HSBP1L1: variants seen among roughly 807,000 people sequenced by gnomAD.
The protein encoded by HSBP1L1 is heat shock factor binding protein 1 like 1.
HSBP1L1 carries 8 observed loss-of-function variants against 9.7 expected under a neutral mutation model. That is an observed-to-expected ratio of 0.82 (90% confidence interval 0.48 to 1.48). The LOEUF is 1.48. HSBP1L1 is among the 40% of genes most tolerant of loss of function. The pLI is 0.00. For missense variants in HSBP1L1, 106 were observed against 95.8 expected, an observed-to-expected ratio of 1.11 and a Z score of -0.44; for synonymous variants, 39 against 34.4, an observed-to-expected ratio of 1.13 and a Z score of -0.46.
chr18:79,966,427 C>A (rs1165510172), intron 1 of HSBP1L1, among the ~76,000 whole-genome samples, 185 bp from the exon 2 acceptor site: 2 of 151,972 alleles, frequency 1.3e-5, no homozygotes, highest in Non-Finnish European at 2.9e-5. Flanking sequence ...GCTTGTAATC[C>A]CAGCTACTTG....
At chr18:79,967,940 A>C (rs1329142570) in intron 2 of HSBP1L1, 149 bp from the exon 3 acceptor site, 15 of 542,038 alleles carry the variant, frequency 2.8e-5, no homozygotes, top group African/African-American at 2.3e-4. Context: ...TCAGGGAAAG[A>C]AGCTGATTTG....
chr18:79,970,015 G>T (rs1034221112), intron 3 of HSBP1L1: 1 of 176,766 alleles, frequency 5.7e-6, no homozygotes, highest in African/African-American at 2.3e-5. Context: ...CCATCCTGGG[G>T]AGATGGGAAA....
rs769225733 is a variant in HSBP1L1 at position 79,966,645 on chromosome 18, T to G, written c.85T>G (p.Phe29Val). ...ENLFQELQEH[F>V]QALTATLNLR... ...TCTATTTCAGGAACTTCAGGAACAT[T>G]TTCAAGCTCTGACGGCAACATTAAA... Residue 29 changes from phenylalanine to valine, a missense_variant, in exon 2 of 4, where the codon TTT (phenylalanine) becomes GTT (valine). Physicochemically the swap from Phe to Val is conservative, Grantham distance 50. Transcript: ENST00000451882. The G allele has an allele frequency of 6.4e-7, 1 of 1,551,042 alleles. No individual in the cohort carries two copies.
At chr18:79,967,669 G>A (rs539972266) in intron 2 of HSBP1L1, 1 of 154,110 alleles carries the variant, frequency 6.5e-6, no homozygotes, top group African/African-American at 2.4e-5. Context: ...AGCTACTCGA[G>A]AGGCTGAGGC....
intron 3 of HSBP1L1, among the ~76,000 whole-genome samples, chr18:79,969,315 A>AAGAG (rs2051277533): frequency 9.1e-6 from 1 of 109,930 alleles, no homozygotes; most frequent in African/African-American, 3.6e-5. Flanking sequence ...AGAGAAAGGA[A>AAGAG]AGAAAGAAAG....
intron 2 of HSBP1L1, chr18:79,967,753 G>T: frequency 5.3e-6 from 1 of 188,034 alleles, no homozygotes; most frequent in Non-Finnish European, 1.1e-5. Context: ...CAGCCTGGGG[G>T]AAGAGCAAGA....
In HSBP1L1 at chr18:79,968,155, G is replaced by T; in HGVS notation, c.185G>T (p.Gly62Val). ...GTCAAGGACTTAATGGTGCAAGCTG[G>T]CATTGAAAATTCTATTAAAGAACAA... ...KNVKDLMVQA[G>V]IENSIKEQML... The change falls in exon 3 of 4, where the codon GGC becomes GTC. Residue 62 changes from glycine (G) to valine (V), a missense_variant. Gly to Val is a moderately radical substitution (Grantham distance 109). Coordinates refer to ENST00000451882, the MANE Select transcript of HSBP1L1 (RefSeq NM_001136180.2). 6.5e-7 allele frequency: 1 copy of T among 1,547,434 alleles called. No homozygotes were observed. The highest frequency in any genetic ancestry group is 1.2e-5 in the South Asian group (1 of 83,502).
intron 3 of HSBP1L1, among the ~76,000 whole-genome samples, chr18:79,968,784 AG>A (rs1293164756): frequency 2.0e-5 from 3 of 152,092 alleles, no homozygotes; most frequent in Admixed American, 1.3e-4. Flanking sequence ...GAACCTCATC[AG>A]GGCACTGTAG....
chr18:79,970,582 C>T lies in HSBP1L1; in HGVS notation c.*131C>T. 1.8e-6 allele frequency: 1 copy of T among 560,054 alleles called. No individual in the cohort carries two copies. Among genetic ancestry groups the T allele is most frequent in the Non-Finnish European group, 3.4e-6 (1 of 298,134 alleles). 34.7% of individuals were successfully genotyped at this position (560,054 alleles called of 1,614,324 possible). A position where few individuals can be genotyped will look rare whatever the true frequency, so the allele number is the denominator to read the frequency against. On this transcript the variant is annotated 3_prime_UTR_variant, in exon 4 of 4. Coordinates refer to ENST00000451882, the MANE Select transcript of HSBP1L1 (RefSeq NM_001136180.2). ...GAGACGCAAGGGGCTCGCCTGCTCT[C>T]CCCTCCGTGCCTGCACCAGAGAAGG...
At chr18:79,964,819 G>T in intron 1 of HSBP1L1, 33 bp downstream of exon 1, 1 of 1,026,918 alleles carries the variant, frequency 9.7e-7, no homozygotes, top group Non-Finnish European at 1.2e-6. Flanking sequence ...CTTCTCTCTG[G>T]ATGGGGGCGC....
At position 79,969,402 on chromosome 18, in the gene HSBP1L1, G is replaced by A. The variant is rs2051283095; in HGVS notation, c.214-1038G>A. Among the ~76,000 whole-genome samples, 3 of 137,206 alleles carry A rather than the reference G, an allele frequency of 2.2e-5. No individual in the cohort carries two copies. In the South Asian group the frequency reaches 7.7e-4, roughly 35 times the overall value. 90.0% of individuals were successfully genotyped at this position (137,206 alleles called of 152,430 possible). A position where few individuals can be genotyped will look rare whatever the true frequency, so the allele number is the denominator to read the frequency against. On this transcript the variant is annotated intron_variant, in intron 3 of 3. Transcript: ENST00000451882. ...AAGAAAGAAAGAAAGAAAAAAAAACGATGCAGAATAGCGCCCACGTTGAGC... is the reference window on the plus strand; with the variant it reads ...AAGAAAGAAAGAAAGAAAAAAAAACAATGCAGAATAGCGCCCACGTTGAGC...
Position 79,966,886 on chromosome 18 carries a change from C to T in HSBP1L1, c.118+208C>T, listed in dbSNP as rs9963294. 782 of 453,158 alleles carry T rather than the reference C, an allele frequency of 1.7e-3. 6 individuals carry two copies. Among genetic ancestry groups the T allele is most frequent in the African/African-American group, 0.014 (716 of 49,648 alleles). 28.1% of individuals were successfully genotyped at this position (453,158 alleles called of 1,614,324 possible). On this transcript the variant is annotated intron_variant, in intron 2 of 3. Coordinates refer to ENST00000451882, the MANE Select transcript of HSBP1L1 (RefSeq NM_001136180.2). Reference sequence around the variant, plus strand: ...ACCTCCGGCCGGGTGCAGTGGCTCACGCCTGTAATCCCAGCACTTTGGGAG... The same window carrying T: ...ACCTCCGGCCGGGTGCAGTGGCTCATGCCTGTAATCCCAGCACTTTGGGAG...
chr18:79,969,261 AGGGAGG>A lies in HSBP1L1; in HGVS notation c.213+1080_213+1085del, dbSNP rs1340014008. 3.2e-3 allele frequency among the ~76,000 whole-genome samples: 25 copies of A among 7,878 alleles called. 2 individuals are homozygous for A. The highest frequency in any genetic ancestry group is 7.0e-3 in the African/African-American group (24 of 3,424). 5.2% of individuals were successfully genotyped at this position (7,878 alleles called of 152,430 possible). ...GAGAGAGAGGAGAGGAGAGAGAGAG[AGGGAGG>A]GAGGGAGGGAGGGAGGGAGGGAGGG... On this transcript the variant is annotated intron_variant, in intron 3 of 3. Transcript: ENST00000451882.
At chr18:79,965,395 G>A (rs1288340301) in intron 1 of HSBP1L1, among the ~76,000 whole-genome samples, 1 of 152,152 alleles carries the variant, frequency 6.6e-6, no homozygotes, top group Non-Finnish European at 1.5e-5. Context: ...CAGAGGTGGG[G>A]CCTCCTCCTA....
In HSBP1L1 at chr18:79,968,138, C is replaced by T; in HGVS notation, c.168C>T (p.Asp56=). The change falls in exon 3 of 4, where the codon GAC becomes GAT. Residue 56 remains aspartate, a synonymous_variant. Transcript: ENST00000451882. ...AGGACTTACAGAAGAATGTCAAGGACTTAATGGTGCAAGCTGGCATTGAAA... is the reference window on the plus strand; with the variant it reads ...AGGACTTACAGAAGAATGTCAAGGATTTAATGGTGCAAGCTGGCATTGAAA... ...RIEDLQKNVK[D]LMVQAGIENS... 1 of 1,549,734 alleles carries T rather than the reference C, an allele frequency of 6.5e-7. No homozygotes were observed. Among genetic ancestry groups the T allele is most frequent in the Non-Finnish European group, 8.7e-7 (1 of 1,145,366 alleles).
rs1045481464 is a variant in HSBP1L1, at chr18:79,970,509, G to A, written c.*58G>A. On this transcript the variant is annotated 3_prime_UTR_variant, in exon 4 of 4. Coordinates refer to ENST00000451882, the MANE Select transcript of HSBP1L1 (RefSeq NM_001136180.2). ...CTACAGAAGTCATTAAGGTTACATC[G>A]GTCCTGAGGGTGGGGCCCTCATCCA... 1.3e-5 allele frequency: 9 copies of A among 717,620 alleles called. No individual in the cohort carries two copies. The highest frequency in any genetic ancestry group is 2.7e-5 in the East Asian group (1 of 37,276). 44.5% of individuals were successfully genotyped at this position (717,620 alleles called of 1,614,324 possible).
intron 1 of HSBP1L1, among the ~76,000 whole-genome samples, chr18:79,966,054 C>T (rs2145033524): frequency 6.6e-6 from 1 of 152,172 alleles, no homozygotes; most frequent in South Asian, 2.1e-4. Context: ...GCCTCAGCCT[C>T]CCGAGTAGCT....
chr18:79,964,717 C>A lies in HSBP1L1; in HGVS notation c.-19C>A. ...CGGCCCACGGGACCCCCCACTGACG[C>A]CCCCGGCCAGCGGTCCACATGGACG... is the stretch of plus-strand genomic sequence containing the variant. On this transcript the variant is annotated 5_prime_UTR_variant, in exon 1 of 4. Coordinates refer to ENST00000451882, the MANE Select transcript of HSBP1L1 (RefSeq NM_001136180.2). 2 of 1,393,212 alleles carry A rather than the reference C, an allele frequency of 1.4e-6. No individual in the cohort carries two copies. The highest frequency in any genetic ancestry group is 1.9e-6 in the Non-Finnish European group (2 of 1,068,876). 86.3% of individuals were successfully genotyped at this position (1,393,212 alleles called of 1,614,324 possible).
Position 79,970,654 on chromosome 18 carries a change from C to T in HSBP1L1, c.*203C>T. 1.8e-6 allele frequency: 1 copy of T among 554,350 alleles called. No individual in the cohort carries two copies. Among genetic ancestry groups the T allele is most frequent in the Admixed American group, 3.0e-5 (1 of 33,350 alleles). The allele number at this position is 554,350 out of a possible 1,614,324, so 34.3% of individuals were successfully genotyped here. ...GAGCCCTCCCCAGAAATCACACGGA[C>T]CAGCACCTTGATCTGGGACTTCCAG... On this transcript the variant is annotated 3_prime_UTR_variant, in exon 4 of 4. Coordinates refer to ENST00000451882, the MANE Select transcript of HSBP1L1 (RefSeq NM_001136180.2).
Sources: allele counts gnomAD v4.1 joint callset (sites outside exome capture counted in the v4.1 genomes callset), GRCh38; gene constraint gnomAD v4.1.1; transcripts MANE v1.5; gene names NCBI Gene and HGNC (gene_info 2026-07-23, HGNC 2026-07-21).